TSPAN19: variants seen among roughly 807,000 people sequenced by gnomAD.
The protein encoded by TSPAN19 is tetraspanin 19, also known as tetraspanin-19.
A neutral mutation model predicts 35.1 loss-of-function variants in TSPAN19; 44 were observed. The observed-to-expected ratio is 1.25, with a 90% CI of 0.98 to 1.61. The LOEUF is 1.61. TSPAN19 is among the 40% of genes most tolerant of loss of function. TSPAN19 has a pLI of 0.00. For missense variants in TSPAN19, 290 were observed against 280.0 expected, an observed-to-expected ratio of 1.04 and a Z score of -0.26; for synonymous variants, 79 against 92.0, an observed-to-expected ratio of 0.86 and a Z score of 0.81.
Position 85,015,903 on chromosome 12 carries a change from T to A in TSPAN19, c.663A>T (p.Gly221=). The change falls in exon 8 of 9, where the codon GGA becomes GGT. Residue 221 remains glycine (G), a synonymous_variant. Coordinates refer to ENST00000532498, the MANE Select transcript of TSPAN19 (RefSeq NM_001100917.2). ...AAAAGCTTACCTCTGAAGTTAAAAG[T>A]CCAAAGTTAATTCCGATTAAGGTTA... The part of the protein sequence containing the change: ...NVLTLIGINF[G]LLTSEVFQVS... The A allele has an allele frequency of 6.5e-7, 1 of 1,548,472 alleles. No homozygotes were observed. Among genetic ancestry groups the A allele is most frequent in the South Asian group, 1.2e-5 (1 of 83,250 alleles).
In TSPAN19 at chr12:85,018,196, G is replaced by A. The variant is rs988016952; in HGVS notation, c.451-597C>T. 2.0e-5 allele frequency among the ~76,000 whole-genome samples: 3 copies of A among 151,850 alleles called. No homozygotes were observed. In the Admixed American group the frequency reaches 2.0e-4, roughly 10 times the overall value. ...CTGGAATCCTATCAAGCAGAGTTAG[G>A]AGGATATGAAAGAATCTGTTTACAT... On this transcript the variant is annotated intron_variant, in intron 6 of 8. Coordinates refer to ENST00000532498, the MANE Select transcript of TSPAN19 (RefSeq NM_001100917.2).
intron 1 of TSPAN19, among the ~76,000 whole-genome samples, chr12:85,030,703 A>C (rs1353052419): frequency 6.6e-6 from 1 of 152,174 alleles, no homozygotes; most frequent in Non-Finnish European, 1.5e-5. Flanking sequence ...TATATAAAAA[A>C]ACTAAAGTAG....
chr12:85,015,264 T>C (rs1309633160), intron 8 of TSPAN19: 1 of 151,958 alleles, frequency 6.6e-6, no homozygotes, highest in Non-Finnish European at 1.5e-5. Flanking sequence ...TAGTCTTCAC[T>C]GAGACTGAAG....
In TSPAN19 at chr12:85,029,970, G is replaced by T. The variant is rs201990491; in HGVS notation, c.-24C>A. ...ATTCTTTTTCTTCCAAGATATTGAT[G>T]ATTCTGAAAAGACAACCATAACTTT... On this transcript the variant is annotated 5_prime_UTR_variant, in exon 2 of 9. An upstream open reading frame in the 5' UTR gains an earlier in-frame stop. Transcript: ENST00000532498. 7.1e-7 allele frequency: 1 copy of T among 1,403,494 alleles called. No individual in the cohort carries two copies. The highest frequency in any genetic ancestry group is 9.6e-7 in the Non-Finnish European group (1 of 1,044,652). The allele number at this position is 1,403,494 out of a possible 1,614,324, so 86.9% of individuals were successfully genotyped here.
intron 6 of TSPAN19, among the ~76,000 whole-genome samples, chr12:85,018,273 T>C (rs1876925906): frequency 6.6e-6 from 1 of 151,916 alleles, no homozygotes; most frequent in Non-Finnish European, 1.5e-5. Context: ...TTCTAAACTT[T>C]TATGGAAAAT....
intron 7 of TSPAN19, 64 bp from the exon 8 acceptor site, chr12:85,016,035 C>T: frequency 9.5e-7 from 1 of 1,050,278 alleles, no homozygotes; most frequent in Non-Finnish European, 1.3e-6. Context: ...TAAATCTTTA[C>T]AAAAAATAAA....
Position 85,017,435 on chromosome 12 carries a change from GA to G in TSPAN19, c.594+20del, listed in dbSNP as rs762733369. 6.3e-7 allele frequency: 1 copy of G among 1,591,646 alleles called. No individual in the cohort carries two copies. Among genetic ancestry groups the G allele is most frequent in the South Asian group, 1.2e-5 (1 of 86,736 alleles). On this transcript the variant is annotated intron_variant, in intron 7 of 8. Transcript: ENST00000532498. ...AAACAAAATACTATAAATACTTGTA[GA>G]AGCCTAGATTTATCTTTACCTCAAG...
intron 6 of TSPAN19, 141 bp from the exon 7 acceptor site, chr12:85,017,740 ATC>A: frequency 4.9e-6 from 3 of 618,138 alleles, no homozygotes; most frequent in Non-Finnish European, 8.1e-6. Flanking sequence ...AAATAAGTAT[ATC>A]TGTGCTTGTT....
chr12:85,022,129 T>TA (rs1244792273), intron 5 of TSPAN19, among the ~76,000 whole-genome samples: 2 of 152,004 alleles, frequency 1.3e-5, no homozygotes, highest in African/African-American at 4.8e-5. Context: ...TTGAGGATGA[T>TA]AGATTGGGAT....
At chr12:85,025,737 G>C in intron 4 of TSPAN19, among the ~76,000 whole-genome samples, 1 of 151,862 alleles carries the variant, frequency 6.6e-6, no homozygotes, top group East Asian at 2.0e-4. Context: ...ATGTTGGCCA[G>C]GATGGTCTTG....
At chr12:85,025,094 TATACTA>T (rs1260022712) in intron 4 of TSPAN19, among the ~76,000 whole-genome samples, 1 of 151,716 alleles carries the variant, frequency 6.6e-6, no homozygotes, top group Non-Finnish European at 1.5e-5. Flanking sequence ...CACTTAATCT[TATACTA>T]ATAAGGGATT....
chr12:85,022,596 C>G (rs1592662076), intron 5 of TSPAN19, among the ~76,000 whole-genome samples: 1 of 152,002 alleles, frequency 6.6e-6, no homozygotes, highest in African/African-American at 2.4e-5. Context: ...TTTACAGATA[C>G]AGCAACAACT....
intron 1 of TSPAN19, among the ~76,000 whole-genome samples, chr12:85,030,611 A>G (rs1258988371): frequency 6.6e-6 from 1 of 152,126 alleles, no homozygotes; most frequent in Non-Finnish European, 1.5e-5. Context: ...AGCACACAGC[A>G]GGTACTTGAT....
chr12:85,016,041 A>C lies in TSPAN19; in HGVS notation c.595-70T>G, dbSNP rs189164998. ...TCTTATACATAAATCTTTACAAAAA[A>C]TAAAAGGTAAACAGAGATTAGTAAT... On this transcript the variant is annotated intron_variant, in intron 7 of 8. Coordinates refer to ENST00000532498, the MANE Select transcript of TSPAN19 (RefSeq NM_001100917.2). The C allele has an allele frequency of 2.9e-4, 296 of 1,007,324 alleles. 1 individual carries two copies. The African/African-American group carries it at 4.6e-3, about 16-fold the overall frequency. The allele number at this position is 1,007,324 out of a possible 1,614,324, so 62.4% of individuals were successfully genotyped here.
In TSPAN19 at chr12:85,019,618, C is replaced by A; in HGVS notation, c.450+8G>T. 6.5e-7 allele frequency: 1 copy of A among 1,548,902 alleles called. No individual in the cohort carries two copies. Among genetic ancestry groups the A allele is most frequent in the Non-Finnish European group, 8.9e-7 (1 of 1,122,902 alleles). The stretch of plus-strand genomic sequence containing the variant: ...TGACATCTAATTTTTTAGTTAATTT[C>A]ATCTTACTGTTTTCTGTAAGGCATT... On this transcript the variant is annotated splice_region_variant and intron_variant, in intron 6 of 8. Coordinates refer to ENST00000532498, the MANE Select transcript of TSPAN19 (RefSeq NM_001100917.2).
Position 85,015,926 on chromosome 12 carries a change from T to C in TSPAN19, c.640A>G (p.Thr214Ala). ...ISAWYNVNVL[T>A]LIGINFGLLT... ...AGTCCAAAGTTAATTCCGATTAAGG[T>C]TAACACATTAACATTATACCATGCA... The change falls in exon 8 of 9, where the codon ACC becomes GCC. Residue 214 changes from threonine (T) to alanine (A), a missense_variant. Physicochemically the swap from Thr to Ala is moderately conservative, Grantham distance 58. Coordinates refer to ENST00000532498, the MANE Select transcript of TSPAN19 (RefSeq NM_001100917.2). 6.5e-7 allele frequency: 1 copy of C among 1,550,042 alleles called. No homozygotes were observed. The highest frequency in any genetic ancestry group is 8.7e-7 in the Non-Finnish European group (1 of 1,146,530).
Position 85,027,964 on chromosome 12 carries a change from T to C in TSPAN19, c.199A>G (p.Thr67Ala), listed in dbSNP as rs765744363. The change falls in exon 4 of 9, where the codon ACT becomes GCT. Residue 67 changes from threonine to alanine, a missense_variant. Physicochemically the swap from Thr to Ala is moderately conservative, Grantham distance 58 (BLOSUM62 0). Transcript: ENST00000532498. ...TAACCCAATAGACAAAAAAGAACAG[T>C]AGAAGATCCCATTCCAATCAAAATT... ...SQILIGMGSS[T>A]VLFCLLGYIG... The C allele has an allele frequency of 3.7e-6, 6 of 1,601,962 alleles. No homozygotes were observed. Among genetic ancestry groups the C allele is most frequent in the Non-Finnish European group, 5.1e-6 (6 of 1,173,046 alleles).
chr12:85,026,237 T>C (rs1337529718), intron 4 of TSPAN19, among the ~76,000 whole-genome samples: 2 of 152,142 alleles, frequency 1.3e-5, no homozygotes, highest in Non-Finnish European at 2.9e-5. Flanking sequence ...TGGAAATTTG[T>C]GACAAGAAGA....
At chr12:85,019,535 C>T (rs1432143813) in intron 6 of TSPAN19, 91 bp downstream of exon 6, 3 of 741,856 alleles carry the variant, frequency 4.0e-6, no homozygotes, top group Non-Finnish European at 6.9e-6. Flanking sequence ...AACTTTCATC[C>T]ATCTGCCCCA....
Sources: gnomAD v4.1 joint callset for allele counts (sites outside exome capture counted in the v4.1 genomes callset) on GRCh38, gnomAD v4.1.1 for gene constraint, MANE v1.5 for transcripts, NCBI Gene and HGNC (gene_info 2026-07-23, HGNC 2026-07-21) for gene names.